GARIN4: variants seen among roughly 807,000 people sequenced by gnomAD.
The protein encoded by GARIN4 is Golgi-associated RAB2 interactor protein 4.
chr1:212,624,909 C>A, the GARIN4 span: 1 of 1,606,624 alleles, frequency 6.2e-7, no homozygotes, highest in East Asian at 2.2e-5. Flanking sequence ...CCGTATTATA[C>A]GGCCCAGAGT....
the GARIN4 span, chr1:212,625,168 G>T: frequency 5.6e-6 from 9 of 1,614,054 alleles, no homozygotes; most frequent in East Asian, 2.2e-5. Flanking sequence ...GCTGCGAAGA[G>T]TATGCTGGAC....
the GARIN4 span, chr1:212,624,995 T>G: frequency 6.2e-7 from 1 of 1,614,172 alleles, no homozygotes; most frequent in South Asian, 1.1e-5. Context: ...GTACGATATA[T>G]TCAAGTATGC....
chr1:212,625,774 A>T, the GARIN4 span: 5 of 1,613,910 alleles, frequency 3.1e-6, no homozygotes, highest in Admixed American at 1.7e-5. Flanking sequence ...TGAGTGTGGC[A>T]GCAGCCAATT....
the GARIN4 span, chr1:212,626,297 AAGG>A: frequency 4.2e-4 from 672 of 1,614,196 alleles, 1 homozygote; most frequent in Non-Finnish European, 5.4e-4. Context: ...AGATGACAAA[AAGG>A]AGAAAGGCTG....
the GARIN4 span, chr1:212,625,357 G>GGAT: frequency 1.2e-6 from 2 of 1,614,094 alleles, no homozygotes; most frequent in African/African-American, 2.7e-5. Flanking sequence ...TTGACACACG[G>GGAT]GATGACCTCT....
chr1:212,624,523 TCAGGGAGA>T, the GARIN4 span: 1 of 171,808 alleles, frequency 5.8e-6, no homozygotes, highest in African/African-American at 2.4e-5. Context: ...GTAGTCTCTC[TCAGGGAGA>T]GAGACTACAA....
the GARIN4 span, chr1:212,625,430 T>C: frequency 1.9e-6 from 3 of 1,614,172 alleles, no homozygotes; most frequent in Non-Finnish European, 2.5e-6. Context: ...CAGCAGTACC[T>C]GTGGCATTCC....
chr1:212,625,407 C>T, the GARIN4 span: 5 of 1,614,086 alleles, frequency 3.1e-6, no homozygotes, highest in Non-Finnish European at 4.2e-6. Flanking sequence ...TTGCGGCCAC[C>T]CATGGAGAGT....
At chr1:212,625,976 A>G in the GARIN4 span, 1 of 1,614,122 alleles carries the variant, frequency 6.2e-7, no homozygotes, top group Admixed American at 1.7e-5. Context: ...CCGAGAGGGC[A>G]GTGTGAGCCT....
At chr1:212,625,804 C>T in the GARIN4 span, 13 of 1,614,006 alleles carry the variant, frequency 8.1e-6, no homozygotes, top group East Asian at 4.5e-5. Context: ...GACAGGTGAG[C>T]GCAGCCATAG....
the GARIN4 span, chr1:212,624,699 C>T: frequency 2.5e-5 from 31 of 1,240,670 alleles, no homozygotes; most frequent in Admixed American, 6.4e-5. Context: ...ACCCCCACCC[C>T]GGCCTCTGGG....
At chr1:212,626,108 G>A in the GARIN4 span, 6 of 1,614,174 alleles carry the variant, frequency 3.7e-6, no homozygotes, top group Non-Finnish European at 5.1e-6. Context: ...GCATGGAAGG[G>A]AGCGAACCCA....
At chr1:212,624,975 A>G in the GARIN4 span, 1 of 1,614,060 alleles carries the variant, frequency 6.2e-7, no homozygotes, top group Admixed American at 1.7e-5. Flanking sequence ...CGACAACTGT[A>G]CAAGGGGGAG....
the GARIN4 span, chr1:212,625,531 G>C: frequency 1.9e-6 from 3 of 1,614,116 alleles, no homozygotes; most frequent in Non-Finnish European, 2.5e-6. Context: ...ATCAGGACCA[G>C]GTCAGCATCC....
the GARIN4 span, chr1:212,626,199 G>A: frequency 4.9e-5 from 79 of 1,614,142 alleles, no homozygotes; most frequent in African/African-American, 1.1e-3. Flanking sequence ...CATCGCCGCA[G>A]GACAGGTGAA....
chr1:212,625,545 G>A, the GARIN4 span: 1 of 1,614,198 alleles, frequency 6.2e-7, no homozygotes, highest in Non-Finnish European at 8.5e-7. Context: ...AGCATCCAAA[G>A]CCTCCACATG....
chr1:212,626,312 G>A, the GARIN4 span: 250 of 1,614,226 alleles, frequency 1.5e-4, no homozygotes, highest in Non-Finnish European at 1.8e-4. Flanking sequence ...GAAAGGCTGT[G>A]GCAACCCGGG....
chr1:212,626,399 T>C, the GARIN4 span: 35 of 1,614,056 alleles, frequency 2.2e-5, no homozygotes, highest in East Asian at 7.8e-4. Flanking sequence ...CTCTCACAAA[T>C]CTGGGAGGAG....
chr1:212,624,983 G>T, the GARIN4 span: 44 of 1,614,166 alleles, frequency 2.7e-5, no homozygotes, highest in Admixed American at 3.7e-4. Context: ...GTACAAGGGG[G>T]AGTACGATAT....
Sources: allele counts gnomAD v4.1 joint callset, GRCh38; gene constraint gnomAD v4.1.1; transcripts MANE v1.5; gene names NCBI Gene and HGNC (gene_info 2026-07-23, HGNC 2026-07-21).